The following CNTLN variants were observed in gnomAD, a reference collection of about 807,000 sequenced individuals.
CNTLN encodes centlein.
Under a neutral mutation model 180.0 loss-of-function variants are expected in CNTLN, and 212 were observed. The ratio of observed to expected loss-of-function variants is 1.18; its 90% CI spans 1.05 to 1.32. CNTLN has a LOEUF of 1.32. Ranked by LOEUF, CNTLN falls within the 40% of genes most tolerant of loss-of-function variation. The pLI, the probability that CNTLN is intolerant of heterozygous loss-of-function variation, is 0.00. For missense variants in CNTLN, 2,095 were observed against 1,610.9 expected, an observed-to-expected ratio of 1.30 and a Z score of -5.14; for synonymous variants, 722 against 563.1, an observed-to-expected ratio of 1.28 and a Z score of -3.99.
chr9:17,188,011 CAT>C (rs10556334), intron 2 of CNTLN, among the ~76,000 whole-genome samples: 21,780 of 145,548 alleles, frequency 0.15, 1,600 homozygotes, highest in South Asian at 0.19. Context: ...ATATATACAC[CAT>C]ATATATATAT....
chr9:17,280,985 A>T (rs1828623825), intron 6 of CNTLN, among the ~76,000 whole-genome samples: 1 of 152,316 alleles, frequency 6.6e-6, no homozygotes, highest in South Asian at 2.1e-4. Context: ...CAAAAGATGC[A>T]TAAGACACAT....
intron 2 of CNTLN, among the ~76,000 whole-genome samples, chr9:17,186,604 GT>G (rs910926501): frequency 2.6e-5 from 4 of 151,852 alleles, no homozygotes; most frequent in African/African-American, 7.3e-5. Flanking sequence ...GCTGTTATTA[GT>G]TTTTTTTCCT....
the CNTLN span, among the ~76,000 whole-genome samples, chr9:17,524,742 A>G: frequency 6.6e-6 from 1 of 152,226 alleles, no homozygotes; most frequent in Non-Finnish European, 1.5e-5. Context: ...ATGATTCAGT[A>G]GCTCTATCAA....
intron 7 of CNTLN, chr9:17,300,205 G>A (rs1331366351): frequency 6.6e-6 from 1 of 152,110 alleles, no homozygotes; most frequent in Non-Finnish European, 1.5e-5. Flanking sequence ...ATTGAAATCT[G>A]AAATGCTCCA....
At chr9:17,271,823 C>T (rs1052600186) in intron 5 of CNTLN, among the ~76,000 whole-genome samples, 6 of 152,174 alleles carry the variant, frequency 3.9e-5, no homozygotes, top group Admixed American at 2.0e-4. Flanking sequence ...TCAGCTTTGG[C>T]TGGATTATTT....
downstream of CNTLN, among the ~76,000 whole-genome samples, chr9:17,508,558 C>A (rs943555145): frequency 6.6e-6 from 1 of 152,166 alleles, no homozygotes; most frequent in African/African-American, 2.4e-5. Flanking sequence ...CATGTTACCC[C>A]TTAGCACTCA....
At chr9:17,211,590 A>G (rs1297257678) in intron 2 of CNTLN, among the ~76,000 whole-genome samples, 2 of 152,166 alleles carry the variant, frequency 1.3e-5, no homozygotes, top group Non-Finnish European at 1.5e-5. Context: ...AATTCTGTGA[A>G]GAAAGTCATT....
At chr9:17,139,264 T>A (rs184310014) in intron 1 of CNTLN, among the ~76,000 whole-genome samples, 3 of 151,994 alleles carry the variant, frequency 2.0e-5, no homozygotes, top group African/African-American at 7.2e-5. Context: ...ATTTTTGTAT[T>A]TTTAGTAGAG....
At chr9:17,342,531 T>C (rs1385695312) in intron 12 of CNTLN, 87 bp downstream of exon 12, 12 of 1,199,820 alleles carry the variant, frequency 1.0e-5, no homozygotes, top group South Asian at 3.4e-5. Context: ...AGAAACACTT[T>C]ATAAAATTTG....
chr9:17,387,648 G>C (rs1033884836), intron 13 of CNTLN, among the ~76,000 whole-genome samples: 2 of 151,916 alleles, frequency 1.3e-5, no homozygotes, highest in African/African-American at 4.8e-5. Context: ...AGAGTGATTT[G>C]TATGGTTTAC....
In CNTLN at chr9:17,457,672, G is replaced by A. The variant is rs1345889360; in HGVS notation, c.3263G>A (p.Arg1088Lys). The A allele has an allele frequency of 1.3e-6, 2 of 1,516,962 alleles. No individual in the cohort carries two copies. Among genetic ancestry groups the A allele is most frequent in the South Asian group, 1.4e-5 (1 of 72,586 alleles). The allele number at this position is 1,516,962 out of a possible 1,614,324, so 94.0% of individuals were successfully genotyped here. A position where few individuals can be genotyped will look rare whatever the true frequency, so the allele number is the denominator to read the frequency against. ...CAAGTTACATCACTTAGTCCTTCAA[G>A]GAGCATGGATTTGGAAATGAAGCAA... ...RIQVTSLSPSRSMDLEMKQLQ... is the reference protein window; with the variant it reads ...RIQVTSLSPSKSMDLEMKQLQ... Residue 1088 changes from arginine to lysine, a missense_variant, in exon 19 of 26, where the codon AGG becomes AAG. Transcript: ENST00000380647.
At chr9:17,342,491 G>A in intron 12 of CNTLN, 47 bp downstream of exon 12, 2 of 1,516,748 alleles carry the variant, frequency 1.3e-6, no homozygotes, top group Non-Finnish European at 1.8e-6. Flanking sequence ...ATACTTGGGA[G>A]AAATTTTTTC....
At chr9:17,528,297 T>G in the CNTLN span, among the ~76,000 whole-genome samples, 4 of 152,242 alleles carry the variant, frequency 2.6e-5, no homozygotes, top group Non-Finnish European at 5.9e-5. Context: ...GTGATAAGTC[T>G]CATTGGTAAT....
At chr9:17,201,539 C>T (rs532450886) in intron 2 of CNTLN, among the ~76,000 whole-genome samples, 10 of 152,096 alleles carry the variant, frequency 6.6e-5, no homozygotes, top group East Asian at 1.9e-4. Flanking sequence ...TTCAGGGATT[C>T]GACTTCTTTC....
intron 9 of CNTLN, 119 bp from the exon 10 acceptor site, chr9:17,332,486 A>AT (rs3084508): frequency 1.1e-3 from 877 of 776,920 alleles, no homozygotes; most frequent in South Asian, 2.6e-3. Flanking sequence ...TCCATGCAGG[A>AT]TTTTTTTTTT....
chr9:17,389,573 G>A (rs186123052), intron 14 of CNTLN, among the ~76,000 whole-genome samples: 841 of 58,054 alleles, frequency 0.014, 6 homozygotes, highest in Non-Finnish European at 0.025. Context: ...TGTCAAGTTG[G>A]TATACTATTT....
chr9:17,255,479 G>C (rs1384726842), intron 5 of CNTLN, among the ~76,000 whole-genome samples: 1 of 141,200 alleles, frequency 7.1e-6, no homozygotes, highest in Admixed American at 7.0e-5. Flanking sequence ...TTTCATCGTG[G>C]TTTATTTCAT....
At chr9:17,177,921 G>C (rs1279859298) in intron 2 of CNTLN, among the ~76,000 whole-genome samples, 1 of 152,154 alleles carries the variant, frequency 6.6e-6, no homozygotes, top group African/African-American at 2.4e-5. Flanking sequence ...CCCACATCCT[G>C]CTGATTGGTC....
intron 3 of CNTLN, among the ~76,000 whole-genome samples, chr9:17,230,024 A>G (rs1009930001): frequency 2.6e-5 from 4 of 152,196 alleles, no homozygotes; most frequent in Admixed American, 1.3e-4. Flanking sequence ...AAATTCACGA[A>G]TTGGGTAACA....
Sources: gnomAD v4.1 joint callset for allele counts (sites outside exome capture counted in the v4.1 genomes callset) on GRCh38, gnomAD v4.1.1 for gene constraint, MANE v1.5 for transcripts, NCBI Gene and HGNC (gene_info 2026-07-23, HGNC 2026-07-21) for gene names.